ELOVL7: variants seen among roughly 807,000 people sequenced by gnomAD.
ELOVL7 encodes very long chain fatty acid elongase 7.
Under a neutral mutation model 35.7 loss-of-function variants are expected in ELOVL7, and 27 were observed. The observed-to-expected ratio is 0.76, with a 90% CI of 0.56 to 1.04. The LOEUF (loss-of-function observed/expected upper bound fraction) is 1.04, where lower values mean the gene tolerates loss of function less well. Among genes scored for constraint, ELOVL7 ranks in the 50% least tolerant of loss-of-function variants. The pLI, the probability that ELOVL7 is intolerant of heterozygous loss-of-function variation, is 0.00. For synonymous variants in ELOVL7, 113 were observed against 114.6 expected, an observed-to-expected ratio of 0.99 and a Z score of 0.09; for missense variants, 327 against 340.8, an observed-to-expected ratio of 0.96 and a Z score of 0.32.
chr5:60,775,266 C>T (rs1742836054), intron 3 of ELOVL7, among the ~76,000 whole-genome samples: 1 of 152,086 alleles, frequency 6.6e-6, no homozygotes, highest in Admixed American at 6.6e-5. Flanking sequence ...CATAGGAATA[C>T]ATCTAACCAA....
chr5:60,756,159 A>G lies in ELOVL7; in HGVS notation c.637-1326T>C, dbSNP rs193179133. Among the ~76,000 whole-genome samples, 358 of 152,320 alleles carry G rather than the reference A, an allele frequency of 2.4e-3. 3 individuals are homozygous for G. Among genetic ancestry groups the G allele is most frequent in the Non-Finnish European group, 4.1e-4 (28 of 68,018 alleles). ...ACATATTTGAGAATATGATGAAAAA[A>G]TGTCCATCCTATTCTTTCTACATCA... On this transcript the variant is annotated intron_variant, in intron 8 of 8. Coordinates refer to ENST00000508821, the MANE Select transcript of ELOVL7 (RefSeq NM_024930.3).
intron 3 of ELOVL7, among the ~76,000 whole-genome samples, chr5:60,772,653 C>T (rs1351726581): frequency 6.6e-6 from 1 of 152,148 alleles, no homozygotes; most frequent in Non-Finnish European, 1.5e-5. Context: ...CACTCTCCTC[C>T]CTCTCTCCAC....
chr5:60,811,519 T>C (rs1317168880), intron 1 of ELOVL7, among the ~76,000 whole-genome samples: 1 of 152,106 alleles, frequency 6.6e-6, no homozygotes, highest in African/African-American at 2.4e-5. Flanking sequence ...AATAATGACA[T>C]ACCAAGAATA....
At chr5:60,813,884 C>G (rs961383622) in intron 1 of ELOVL7, among the ~76,000 whole-genome samples, 3 of 152,086 alleles carry the variant, frequency 2.0e-5, no homozygotes, top group South Asian at 2.1e-4. Flanking sequence ...TATGATAAAG[C>G]CCAGACAAGC....
chr5:60,838,602 C>G (rs189213586), intron 1 of ELOVL7, among the ~76,000 whole-genome samples: 67 of 152,288 alleles, frequency 4.4e-4, no homozygotes, highest in Non-Finnish European at 7.3e-4. Flanking sequence ...TTAGAAAGTC[C>G]AAGAAGCAGG....
intron 1 of ELOVL7, among the ~76,000 whole-genome samples, chr5:60,803,879 C>T (rs1744781910): frequency 6.6e-6 from 1 of 152,200 alleles, no homozygotes; most frequent in Admixed American, 6.5e-5. Context: ...ACCATCCTTT[C>T]CACTCCCTAC....
chr5:60,780,225 T>C (rs968470551), intron 3 of ELOVL7, among the ~76,000 whole-genome samples: 3 of 151,914 alleles, frequency 2.0e-5, no homozygotes, highest in African/African-American at 7.3e-5. Flanking sequence ...GTTCAAGTGA[T>C]TCTCCTGCCT....
intron 3 of ELOVL7, among the ~76,000 whole-genome samples, chr5:60,785,296 A>G (rs539125028): frequency 7.6e-4 from 116 of 152,344 alleles, no homozygotes; most frequent in Admixed American, 1.5e-3. Flanking sequence ...TTACTCAGCA[A>G]TTTCAATGTA....
intron 2 of ELOVL7, among the ~76,000 whole-genome samples, chr5:60,790,483 T>C (rs1743871002): frequency 6.6e-6 from 1 of 152,214 alleles, no homozygotes; most frequent in Admixed American, 6.5e-5. Flanking sequence ...CTAAATTCTT[T>C]AAGAGTTCAT....
chr5:60,760,817 T>G (rs1185288325), intron 7 of ELOVL7, among the ~76,000 whole-genome samples: 2 of 152,170 alleles, frequency 1.3e-5, no homozygotes, highest in Admixed American at 1.3e-4. Context: ...AATTTTTGTA[T>G]CAGGTGTAAG....
intron 1 of ELOVL7, among the ~76,000 whole-genome samples, chr5:60,812,162 G>A (rs1420022756): frequency 6.6e-6 from 1 of 152,186 alleles, no homozygotes; most frequent in East Asian, 1.9e-4. Flanking sequence ...TGAGGTTACA[G>A]TGAGCAATGA....
intron 7 of ELOVL7, among the ~76,000 whole-genome samples, chr5:60,761,599 A>G (rs1584152925): frequency 6.6e-6 from 1 of 152,212 alleles, no homozygotes; most frequent in South Asian, 2.1e-4. Context: ...TTTGGGGGGA[A>G]TATTGGAGAT....
intron 1 of ELOVL7, among the ~76,000 whole-genome samples, chr5:60,830,225 A>G (rs1746401877): frequency 6.6e-6 from 1 of 152,230 alleles, no homozygotes; most frequent in Non-Finnish European, 1.5e-5. Context: ...TCTTGACACT[A>G]GGGATACAGT....
intron 3 of ELOVL7, among the ~76,000 whole-genome samples, chr5:60,778,465 A>G (rs1743045027): frequency 6.6e-6 from 1 of 152,168 alleles, no homozygotes; most frequent in Non-Finnish European, 1.5e-5. Flanking sequence ...GACGTCAGGA[A>G]ACTTACAATC....
chr5:60,843,713 T>TGGAC lies in ELOVL7; in HGVS notation c.-86+446_-86+447insGTCC, dbSNP rs773352438. Among the ~76,000 whole-genome samples, 563 of 152,164 alleles carry TGGAC rather than the reference T, an allele frequency of 3.7e-3. 1 individual carries two copies. The highest frequency in any genetic ancestry group is 5.3e-3 in the Non-Finnish European group (357 of 67,982). On this transcript the variant is annotated intron_variant, in intron 1 of 8. Transcript: ENST00000508821. ...CCGCGTCCAAGGTCGAGCAGGTCCT[T>TGGAC]CTCCCTCCCAGTCCCGCCGGCGAGC...
intron 1 of ELOVL7, among the ~76,000 whole-genome samples, chr5:60,800,564 T>A (rs1744547672): frequency 6.6e-6 from 1 of 152,220 alleles, no homozygotes; most frequent in Non-Finnish European, 1.5e-5. Flanking sequence ...AAGACAAGGA[T>A]GCCCACTCTC....
chr5:60,785,250 C>T (rs1743507402), intron 3 of ELOVL7, among the ~76,000 whole-genome samples: 1 of 152,140 alleles, frequency 6.6e-6, no homozygotes, highest in African/African-American at 2.4e-5. Context: ...GTTTGCAATG[C>T]TGTTGTCAGG....
chr5:60,771,983 G>A lies in ELOVL7; in HGVS notation c.175C>T (p.Arg59Cys), dbSNP rs769098257. The change falls in exon 4 of 9, where the codon CGC (arginine) becomes TGC (cysteine). Residue 59 changes from arginine (R) to cysteine (C), a missense_variant. Transcript: ENST00000508821. ...TSLGPKLMEN[R>C]KPFELKKAMI... ...GCTTTCTTGAGTTCAAAGGGCTTGCGATTTTCCATGAGCTTTGGTCCCAAG... is the reference window on the plus strand; with the variant it reads ...GCTTTCTTGAGTTCAAAGGGCTTGCAATTTTCCATGAGCTTTGGTCCCAAG... 1.4e-5 allele frequency: 22 copies of A among 1,613,776 alleles called. No individual in the cohort carries two copies. The highest frequency in any genetic ancestry group is 3.3e-5 in the Admixed American group (2 of 59,984).
chr5:60,836,797 G>T (rs1241188634), intron 1 of ELOVL7, among the ~76,000 whole-genome samples: 1 of 151,954 alleles, frequency 6.6e-6, no homozygotes, highest in African/African-American at 2.4e-5. Context: ...ATTAAGGGCT[G>T]CTAGTGAAAC....
Sources: gnomAD v4.1 joint callset for allele counts (sites outside exome capture counted in the v4.1 genomes callset) on GRCh38, gnomAD v4.1.1 for gene constraint, MANE v1.5 for transcripts, NCBI Gene and HGNC (gene_info 2026-07-23, HGNC 2026-07-21) for gene names.